TTC33: variants seen among roughly 807,000 people sequenced by gnomAD.
TTC33 encodes tetratricopeptide repeat protein 33.
Under a neutral mutation model 29.4 loss-of-function variants are expected in TTC33, and 24 were observed. The observed-to-expected ratio is 0.82, with a 90% CI of 0.59 to 1.15. The LOEUF (loss-of-function observed/expected upper bound fraction) is 1.15, where lower values mean the gene tolerates loss of function less well. Ranked by LOEUF, TTC33 falls within the 50% of genes most tolerant of loss-of-function variation. The pLI, the probability that TTC33 is intolerant of heterozygous loss-of-function variation, is 0.00. For missense variants in TTC33, 286 were observed against 310.4 expected, an observed-to-expected ratio of 0.92 and a Z score of 0.59; for synonymous variants, 107 against 100.3, an observed-to-expected ratio of 1.07 and a Z score of -0.40.
At chr5:40,728,295 A>AAAAAAAAAAAT in intron 4 of TTC33, 50 bp downstream of exon 4, 1 of 1,239,902 alleles carries the variant, frequency 8.1e-7, no homozygotes. Flanking sequence ...AAAAAAAAAA[A>AAAAAAAAAAAT]GTCAAAATAT....
Position 40,716,061 on chromosome 5 carries a change from T to C in TTC33, c.*84A>G. On this transcript the variant is annotated 3_prime_UTR_variant, in exon 5 of 5. Transcript: ENST00000337702. Reference sequence around the variant, plus strand: ...TATTTTACAACCAGGCGTTCTCCTATCTATCTCCAGAGTAAATGTCTCTAT... The same window carrying C: ...TATTTTACAACCAGGCGTTCTCCTACCTATCTCCAGAGTAAATGTCTCTAT... The C allele has an allele frequency of 8.6e-7, 1 of 1,166,886 alleles. No individual in the cohort carries two copies. Among genetic ancestry groups the C allele is most frequent in the Non-Finnish European group, 1.2e-6 (1 of 840,382 alleles). The allele number at this position is 1,166,886 out of a possible 1,614,324, so 72.3% of individuals were successfully genotyped here. A position where few individuals can be genotyped will look rare whatever the true frequency, so the allele number is the denominator to read the frequency against.
At chr5:40,729,062 A>G (rs1742361452) in intron 3 of TTC33, among the ~76,000 whole-genome samples, 1 of 152,168 alleles carries the variant, frequency 6.6e-6, no homozygotes, top group African/African-American at 2.4e-5. Flanking sequence ...GATTTTATCT[A>G]TAATCTTTAG....
chr5:40,722,933 A>C (rs2111877266), intron 4 of TTC33, among the ~76,000 whole-genome samples: 1 of 152,250 alleles, frequency 6.6e-6, no homozygotes, highest in African/African-American at 2.4e-5. Context: ...CCCATCTGGG[A>C]GGTGTACCCA....
chr5:40,755,262 T>A (rs1742963901), intron 1 of TTC33, among the ~76,000 whole-genome samples: 1 of 152,116 alleles, frequency 6.6e-6, no homozygotes, highest in African/African-American at 2.4e-5. Context: ...GAAAAACCAC[T>A]ACATGAACAA....
intron 1 of TTC33, among the ~76,000 whole-genome samples, chr5:40,754,215 T>C (rs1001575282): frequency 1.3e-5 from 2 of 152,162 alleles, no homozygotes; most frequent in African/African-American, 4.8e-5. Context: ...GATCAGGGGC[T>C]GCAGAGGTCA....
intron 1 of TTC33, among the ~76,000 whole-genome samples, chr5:40,754,324 A>G (rs749683027): frequency 3.9e-5 from 6 of 152,072 alleles, no homozygotes; most frequent in Non-Finnish European, 2.9e-5. Flanking sequence ...CCTCTCAGAC[A>G]AAAAAAGGAG....
intron 2 of TTC33, among the ~76,000 whole-genome samples, chr5:40,741,713 G>A (rs58611697): frequency 1.5e-3 from 227 of 152,244 alleles, no homozygotes; most frequent in African/African-American, 5.4e-3. Context: ...GCTCAGCCAC[G>A]CACGGTAGCT....
intron 1 of TTC33, among the ~76,000 whole-genome samples, chr5:40,749,635 C>G (rs1742857811): frequency 6.6e-6 from 1 of 152,128 alleles, no homozygotes. Flanking sequence ...AAGTACAGGC[C>G]TATCTCAGAG....
At chr5:40,745,283 T>G (rs940122654) in intron 2 of TTC33, among the ~76,000 whole-genome samples, 1 of 149,926 alleles carries the variant, frequency 6.7e-6, no homozygotes, top group Non-Finnish European at 1.5e-5. Flanking sequence ...TTAATTTTTG[T>G]AGGTTTGATA....
Position 40,713,356 on chromosome 5 carries a change from G to A in TTC33, c.*2789C>T, listed in dbSNP as rs1370517117. Among the ~76,000 whole-genome samples, 1 of 152,070 alleles carries A rather than the reference G, an allele frequency of 6.6e-6. No homozygotes were observed. The highest frequency in any genetic ancestry group is 1.5e-5 in the Non-Finnish European group (1 of 68,004). On this transcript the variant is annotated 3_prime_UTR_variant, in exon 5 of 5. Transcript: ENST00000337702. ...TTATGTAATTTTCAAACAACTAAAAGGGCTATACTGTTCAGTTATAATCTT... is the reference window on the plus strand; with the variant it reads ...TTATGTAATTTTCAAACAACTAAAAAGGCTATACTGTTCAGTTATAATCTT...
At chr5:40,751,047 C>G (rs916577348) in intron 1 of TTC33, among the ~76,000 whole-genome samples, 2 of 152,092 alleles carry the variant, frequency 1.3e-5, no homozygotes, top group African/African-American at 2.4e-5. Context: ...ATATTTTGAC[C>G]ACCTCCCATG....
rs570902886 is a variant in TTC33 at position 40,714,130 on chromosome 5, G to A, written c.*2015C>T. Among the ~76,000 whole-genome samples, 49 of 152,286 alleles carry A rather than the reference G, an allele frequency of 3.2e-4. No homozygotes were observed. The highest frequency in any genetic ancestry group is 1.2e-3 in the African/African-American group (48 of 41,576). ...CTAGTGGCCACATGCATTCCATCCT[G>A]AGTCTTGCCTCTTTGGGACTTGAGC... On this transcript the variant is annotated 3_prime_UTR_variant, in exon 5 of 5. Transcript: ENST00000337702.
chr5:40,755,094 T>C (rs985290675), intron 1 of TTC33, among the ~76,000 whole-genome samples: 1 of 152,292 alleles, frequency 6.6e-6, no homozygotes, highest in African/African-American at 2.4e-5. Flanking sequence ...ATTTCAGGAA[T>C]GGCATAACGA....
chr5:40,726,550 CA>C (rs35619166), intron 4 of TTC33, among the ~76,000 whole-genome samples: 11 of 132,756 alleles, frequency 8.3e-5, no homozygotes, highest in Admixed American at 1.5e-4. Flanking sequence ...ATTTAAATGG[CA>C]AAAAAAAAAT....
At chr5:40,727,098 C>T (rs1419371975) in intron 4 of TTC33, among the ~76,000 whole-genome samples, 4 of 152,042 alleles carry the variant, frequency 2.6e-5, no homozygotes, top group African/African-American at 9.7e-5. Flanking sequence ...GAGAATTTGA[C>T]AAACACCTTT....
At chr5:40,754,288 C>T (rs972499870) in intron 1 of TTC33, among the ~76,000 whole-genome samples, 1 of 152,084 alleles carries the variant, frequency 6.6e-6, no homozygotes, top group South Asian at 2.1e-4. Flanking sequence ...CAAGTTTAAC[C>T]TGAAAGAGGG....
At position 40,714,741 on chromosome 5, in the gene TTC33, G is replaced by T. The variant is rs1158674731; in HGVS notation, c.*1404C>A. 2 of 152,188 alleles carry T rather than the reference G, an allele frequency of 1.3e-5. No homozygotes were observed. The highest frequency in any genetic ancestry group is 2.9e-5 in the Non-Finnish European group (2 of 67,960). The allele number at this position is 152,188 out of a possible 1,614,324, so 9.4% of individuals were successfully genotyped here. On this transcript the variant is annotated 3_prime_UTR_variant, in exon 5 of 5. Transcript: ENST00000337702. ...GCTAATTTCTCCAACCCTGAAAAGA[G>T]ATATGCATTCCAATAAAACAAAAGT...
intron 1 of TTC33, among the ~76,000 whole-genome samples, chr5:40,747,832 T>C (rs1742825284): frequency 6.6e-6 from 1 of 151,394 alleles, no homozygotes; most frequent in Non-Finnish European, 1.5e-5. Flanking sequence ...GAAGAAAACT[T>C]TTTTTTTTCT....
rs756378541 is a variant in TTC33 at position 40,728,445 on chromosome 5, G to A, written c.335C>T (p.Ala112Val). 6.2e-7 allele frequency: 1 copy of A among 1,612,218 alleles called. No homozygotes were observed. The highest frequency in any genetic ancestry group is 1.7e-5 in the Admixed American group (1 of 59,690). Residue 112 changes from alanine to valine, a missense_variant, in exon 4 of 5, where the codon GCA (alanine) becomes GTA (valine). Transcript: ENST00000337702. ...GACGGCCATTTCTGCTGCATGTACT[G>A]CTGGGAACATTTCATGAAGAGACAT... ...VLMSLHEMFP[A>V]VHAAEMAVQQ...
Sources: gnomAD v4.1 joint callset for allele counts (sites outside exome capture counted in the v4.1 genomes callset) on GRCh38, gnomAD v4.1.1 for gene constraint, MANE v1.5 for transcripts, NCBI Gene and HGNC (gene_info 2026-07-23, HGNC 2026-07-21) for gene names.